Variants in CTNND2 observed in about 807,000 individuals in gnomAD.
The protein encoded by CTNND2 is catenin delta 2.
A neutral mutation model predicts 144.4 loss-of-function variants in CTNND2; 22 were observed. That is an observed-to-expected ratio of 0.15 (90% CI 0.11 to 0.22). CTNND2 has a LOEUF of 0.22. Ranked by LOEUF, CTNND2 falls within the 10% of genes least tolerant of loss-of-function variation. The probability of loss-of-function intolerance (pLI) is 1.00; values close to 1 mark genes in which losing one functional copy is unlikely to be tolerated. For synonymous variants in CTNND2, 751 were observed against 695.6 expected (o/e 1.08, Z -1.25); for missense variants, 1,353 against 1,618.8 (o/e 0.84, Z 2.82).
At chr5:11,876,730 G>A (rs1224409519) in intron 1 of CTNND2, among the ~76,000 whole-genome samples, 1 of 152,098 alleles carries the variant, frequency 6.6e-6, no homozygotes, top group East Asian at 1.9e-4. Flanking sequence ...AGCTAGCATT[G>A]TTTAAGTTTA....
intron 9 of CTNND2, among the ~76,000 whole-genome samples, chr5:11,263,811 A>G (rs1225347424): frequency 1.3e-5 from 2 of 152,024 alleles, no homozygotes; most frequent in Non-Finnish European, 2.9e-5. Flanking sequence ...TTTGTCCTCT[A>G]CTCTAAACAC....
intron 3 of CTNND2, among the ~76,000 whole-genome samples, chr5:11,436,275 AAG>A (rs1763766487): frequency 6.6e-6 from 1 of 152,126 alleles, no homozygotes; most frequent in Non-Finnish European, 1.5e-5. Flanking sequence ...TTTATACCTG[AAG>A]AGAGAGAAAA....
intron 2 of CTNND2, among the ~76,000 whole-genome samples, chr5:11,708,643 C>T (rs533657779): frequency 6.6e-6 from 1 of 152,184 alleles, no homozygotes; most frequent in African/African-American, 2.4e-5. Flanking sequence ...GGCTCAAGTA[C>T]GATGAAGACA....
chr5:11,541,482 G>A (rs1353502558), intron 3 of CTNND2, among the ~76,000 whole-genome samples: 4 of 152,112 alleles, frequency 2.6e-5, no homozygotes, highest in Non-Finnish European at 4.4e-5. Context: ...ACGATAAAAG[G>A]ACATAGGAGG....
intron 2 of CTNND2, among the ~76,000 whole-genome samples, chr5:11,582,206 T>C (rs1450475056): frequency 3.3e-5 from 5 of 152,188 alleles, no homozygotes; most frequent in African/African-American, 9.6e-5. Context: ...GAAGGGATCA[T>C]AGAATTGAAG....
chr5:11,427,260 G>C (rs1161157412), intron 3 of CTNND2, among the ~76,000 whole-genome samples: 1 of 148,996 alleles, frequency 6.7e-6, no homozygotes, highest in Non-Finnish European at 1.5e-5. Context: ...ACCTTTAAAC[G>C]CATTTTCCCA....
chr5:11,167,012 G>A (rs949869637), intron 11 of CTNND2, among the ~76,000 whole-genome samples: 1 of 152,190 alleles, frequency 6.6e-6, no homozygotes, highest in Non-Finnish European at 1.5e-5. Flanking sequence ...GGGTTGGTTG[G>A]CCACAACAAA....
At chr5:11,756,437 C>T (rs934960624) in intron 1 of CTNND2, among the ~76,000 whole-genome samples, 2 of 151,602 alleles carry the variant, frequency 1.3e-5, no homozygotes, top group Non-Finnish European at 1.5e-5. Flanking sequence ...TAAAATGTTG[C>T]TTAACACATT....
chr5:11,337,201 A>G (rs974267957), intron 9 of CTNND2, among the ~76,000 whole-genome samples: 4 of 152,190 alleles, frequency 2.6e-5, no homozygotes, highest in African/African-American at 9.7e-5. Context: ...TTTAAATACA[A>G]TCTGTGCATC....
chr5:11,544,944 C>T (rs767703666), intron 3 of CTNND2, among the ~76,000 whole-genome samples: 2 of 151,664 alleles, frequency 1.3e-5, no homozygotes, highest in Non-Finnish European at 2.9e-5. Context: ...CCATGAAACC[C>T]CATCCCTACT....
chr5:11,819,403 C>A (rs1246978681), intron 1 of CTNND2, among the ~76,000 whole-genome samples: 1 of 152,120 alleles, frequency 6.6e-6, no homozygotes, highest in Non-Finnish European at 1.5e-5. Flanking sequence ...CCACTTCACT[C>A]CAGCCTGGGT....
At chr5:11,415,295 C>A (rs1220349218) in intron 3 of CTNND2, among the ~76,000 whole-genome samples, 4 of 152,108 alleles carry the variant, frequency 2.6e-5, no homozygotes, top group Non-Finnish European at 5.9e-5. Context: ...AAAATCAAGT[C>A]ATGGTGGCGC....
intron 11 of CTNND2, among the ~76,000 whole-genome samples, chr5:11,163,115 T>C (rs1341624908): frequency 6.6e-6 from 1 of 152,208 alleles, no homozygotes; most frequent in Non-Finnish European, 1.5e-5. Flanking sequence ...GGAGCCTAAT[T>C]CTTCTCTCCA....
chr5:11,411,765 A>G (rs1180646878), intron 4 of CTNND2, 113 bp from the exon 5 acceptor site: 1 of 751,998 alleles, frequency 1.3e-6, no homozygotes. Context: ...ACCTCTATGA[A>G]GTTTTCATTA....
At chr5:11,472,153 TG>T (rs1430473714) in intron 3 of CTNND2, among the ~76,000 whole-genome samples, 5 of 152,278 alleles carry the variant, frequency 3.3e-5, no homozygotes, top group East Asian at 1.9e-4. Context: ...TTAAATTTTT[TG>T]GGGGGGATCC....
At chr5:11,616,538 CCTTG>C (rs1780588996) in intron 2 of CTNND2, among the ~76,000 whole-genome samples, 1 of 151,774 alleles carries the variant, frequency 6.6e-6, no homozygotes, top group Admixed American at 6.6e-5. Context: ...TTCCTTCCTT[CCTTG>C]CTTCCTTTCT....
Position 11,404,599 on chromosome 5 carries a change from A to ATT in CTNND2, c.439+6935_439+6936dup, listed in dbSNP as rs1405789135. Among the ~76,000 whole-genome samples, 164 of 32,788 alleles carry ATT rather than the reference A, an allele frequency of 5.0e-3. 1 individual carries two copies. Among genetic ancestry groups the ATT allele is most frequent in the Non-Finnish European group, 0.013 (134 of 10,356 alleles). 21.5% of individuals were successfully genotyped at this position (32,788 alleles called of 152,430 possible). Reference sequence around the variant, plus strand: ...TTGATCAGTATCTGTCAGTATCTGTATTCTTTTTTTTTTTTTTTTTTTTTT... The same window carrying ATT: ...TTGATCAGTATCTGTCAGTATCTGTATTTTCTTTTTTTTTTTTTTTTTTTTTT... On this transcript the variant is annotated intron_variant, in intron 5 of 21. Coordinates refer to ENST00000304623, the MANE Select transcript of CTNND2 (RefSeq NM_001332.4).
At chr5:11,655,599 A>C (rs1782869954) in intron 2 of CTNND2, among the ~76,000 whole-genome samples, 1 of 152,136 alleles carries the variant, frequency 6.6e-6, no homozygotes, top group Non-Finnish European at 1.5e-5. Context: ...GATAATTTTT[A>C]AGGAAGAAGT....
intron 18 of CTNND2, among the ~76,000 whole-genome samples, chr5:10,998,627 C>T (rs1739596236): frequency 1.3e-5 from 2 of 152,202 alleles, no homozygotes. Context: ...TCCGATGCCA[C>T]ATACAGTTGG....
Sources: gnomAD v4.1 joint callset for allele counts (sites outside exome capture counted in the v4.1 genomes callset) on GRCh38, gnomAD v4.1.1 for gene constraint, MANE v1.5 for transcripts, NCBI Gene and HGNC (gene_info 2026-07-23, HGNC 2026-07-21) for gene names.